The following WIPF3 variants were observed in gnomAD, a reference collection of about 807,000 sequenced individuals.
WIPF3 encodes WAS/WASL-interacting protein family member 3.
WIPF3 carries 33 observed loss-of-function variants against 38.9 expected under a neutral mutation model. The ratio of observed to expected loss-of-function variants is 0.85; its 90% CI spans 0.64 to 1.14. The LOEUF is 1.14. WIPF3 is among the 50% of genes most tolerant of loss of function. WIPF3 has a pLI of 0.00. For missense variants in WIPF3, 711 were observed against 652.5 expected (o/e 1.09, Z -0.98); for synonymous variants, 324 against 269.3 (o/e 1.20, Z -1.99).
In WIPF3 at chr7:29,898,179, C is replaced by T. The variant is rs909000989; in HGVS notation, c.1352-6107C>T. ...CCCGTCACTCCCTCTTTCTGAAACA[C>T]TTCTTCATTTAGATTTTATGACAGC... On this transcript the variant is annotated intron_variant, in intron 7 of 8. Transcript: ENST00000242140. Among the ~76,000 whole-genome samples the T allele has an allele frequency of 6.6e-5, 10 of 152,168 alleles. No individual in the cohort carries two copies. The East Asian group carries it at 1.9e-3, about 29-fold the overall frequency.
intron 7 of WIPF3, among the ~76,000 whole-genome samples, chr7:29,899,467 A>T (rs1289355760): frequency 1.3e-5 from 2 of 152,240 alleles, no homozygotes; most frequent in Non-Finnish European, 2.9e-5. Flanking sequence ...TGAATGGCAG[A>T]GACTGCAGCA....
intron 8 of WIPF3, among the ~76,000 whole-genome samples, chr7:29,913,478 G>A (rs1024697699): frequency 6.6e-6 from 1 of 151,944 alleles, no homozygotes; most frequent in South Asian, 2.1e-4. Context: ...TCTTCTTTTG[G>A]CGTTTATGCA....
At chr7:29,875,552 G>A (rs1343288292) in intron 2 of WIPF3, among the ~76,000 whole-genome samples, 1 of 152,150 alleles carries the variant, frequency 6.6e-6, no homozygotes, top group African/African-American at 2.4e-5. Flanking sequence ...AGAGAGGAAA[G>A]AGGGGCTATG....
At chr7:29,822,753 C>T (rs924938770) in intron 1 of WIPF3, among the ~76,000 whole-genome samples, 26 of 152,088 alleles carry the variant, frequency 1.7e-4, no homozygotes, top group Admixed American at 1.4e-3. Flanking sequence ...TGCAGAGTTA[C>T]GGAGATATAG....
intron 2 of WIPF3, among the ~76,000 whole-genome samples, chr7:29,866,398 G>C (rs576716653): frequency 3.9e-5 from 6 of 152,244 alleles, no homozygotes; most frequent in Non-Finnish European, 5.9e-5. Context: ...CAAGCAAGGA[G>C]AGAAGAGGCC....
intron 1 of WIPF3, among the ~76,000 whole-genome samples, chr7:29,833,161 G>C (rs898107345): frequency 6.6e-6 from 1 of 152,238 alleles, no homozygotes; most frequent in African/African-American, 2.4e-5. Flanking sequence ...TGGGGGCTGA[G>C]GGGAGGAGAC....
Position 29,867,741 on chromosome 7 carries a change from G to A in WIPF3, c.91-8089G>A, listed in dbSNP as rs1056430410. On this transcript the variant is annotated intron_variant, in intron 2 of 8. Coordinates refer to ENST00000242140, the MANE Select transcript of WIPF3 (RefSeq NM_001080529.3). Reference sequence around the variant, plus strand: ...GAATTCACATCTCTAGGGACACAGTGGCCAAAGGATAAAAAGGGTGAAGAC... The same window carrying A: ...GAATTCACATCTCTAGGGACACAGTAGCCAAAGGATAAAAAGGGTGAAGAC... Among the ~76,000 whole-genome samples the A allele has an allele frequency of 4.6e-5, 7 of 152,040 alleles. No individual in the cohort carries two copies. The South Asian group carries it at 1.5e-3, about 32-fold the overall frequency.
intron 8 of WIPF3, 77 bp from the exon 9 acceptor site, chr7:29,914,416 G>C (rs553851533): frequency 7.4e-5 from 89 of 1,209,780 alleles, no homozygotes; most frequent in Admixed American, 5.1e-4. Context: ...AGCCTGTTTG[G>C]GGGGGTGGAG....
At chr7:29,877,116 A>G (rs1785615718) in intron 3 of WIPF3, among the ~76,000 whole-genome samples, 1 of 152,240 alleles carries the variant, frequency 6.6e-6, no homozygotes, top group Admixed American at 6.5e-5. Context: ...TCCAGGTGAC[A>G]TGGTGGAAAT....
intron 7 of WIPF3, among the ~76,000 whole-genome samples, chr7:29,897,606 G>A (rs764418060): frequency 2.6e-5 from 4 of 152,026 alleles, no homozygotes; most frequent in Non-Finnish European, 5.9e-5. Context: ...GTAAAAACAC[G>A]CACCGTTATT....
At chr7:29,879,874 G>A (rs1785680090) in intron 4 of WIPF3, among the ~76,000 whole-genome samples, 1 of 152,086 alleles carries the variant, frequency 6.6e-6, no homozygotes, top group Admixed American at 6.5e-5. Context: ...GCTTAGTCTT[G>A]GAAGTATTAC....
chr7:29,830,981 C>G (rs955381625), intron 1 of WIPF3, among the ~76,000 whole-genome samples: 2 of 152,108 alleles, frequency 1.3e-5, no homozygotes, highest in Admixed American at 6.5e-5. Flanking sequence ...GTGGTCATTC[C>G]CAGGCATGTG....
chr7:29,835,145 A>G (rs1404534335), intron 2 of WIPF3, among the ~76,000 whole-genome samples: 1 of 152,056 alleles, frequency 6.6e-6, no homozygotes, highest in Non-Finnish European at 1.5e-5. Flanking sequence ...GGGCCATGCC[A>G]AAGTGCACGG....
intron 1 of WIPF3, among the ~76,000 whole-genome samples, chr7:29,809,464 T>C (rs1334264808): frequency 6.6e-6 from 1 of 152,232 alleles, no homozygotes; most frequent in Non-Finnish European, 1.5e-5. Flanking sequence ...ATCGTAATGT[T>C]TGACTGACTT....
At chr7:29,860,979 T>C (rs987402888) in intron 2 of WIPF3, among the ~76,000 whole-genome samples, 10 of 152,058 alleles carry the variant, frequency 6.6e-5, no homozygotes, top group Admixed American at 6.5e-4. Context: ...TGTGTTAAGA[T>C]TGAGGTACTA....
At chr7:29,885,078 C>T (rs958069884) in intron 5 of WIPF3, among the ~76,000 whole-genome samples, 5 of 152,246 alleles carry the variant, frequency 3.3e-5, no homozygotes, top group African/African-American at 1.2e-4. Flanking sequence ...GGATCCCAGC[C>T]AGAATCTTCG....
chr7:29,862,366 T>C (rs193140003), intron 2 of WIPF3, among the ~76,000 whole-genome samples: 47 of 152,206 alleles, frequency 3.1e-4, no homozygotes, highest in Admixed American at 1.7e-3. Context: ...TGATAAAAGA[T>C]ACTGTAGGGC....
intron 1 of WIPF3, among the ~76,000 whole-genome samples, chr7:29,812,583 A>C (rs1784397212): frequency 6.6e-6 from 1 of 152,224 alleles, no homozygotes. Flanking sequence ...TTATTCAGGA[A>C]GTGATGCACT....
At chr7:29,884,726 A>C (rs1785836709) in intron 5 of WIPF3, 133 bp downstream of exon 5, 2 of 1,334,318 alleles carry the variant, frequency 1.5e-6, no homozygotes, top group African/African-American at 1.5e-5. Flanking sequence ...AGACTTGCCC[A>C]AAATCATGCT....
Sources: allele counts gnomAD v4.1 joint callset (sites outside exome capture counted in the v4.1 genomes callset), GRCh38; gene constraint gnomAD v4.1.1; transcripts MANE v1.5; gene names NCBI Gene and HGNC (gene_info 2026-07-23, HGNC 2026-07-21).